The following PUDP variants were observed in gnomAD, a reference collection of about 807,000 sequenced individuals.
The protein encoded by PUDP is pseudouridine 5'-phosphatase.
A neutral mutation model predicts 9.4 loss-of-function variants in PUDP; 8 were observed. That is an observed-to-expected ratio of 0.85 (90% CI 0.50 to 1.53). The LOEUF is 1.53. Ranked by LOEUF, PUDP falls within the 40% of genes most tolerant of loss-of-function variation. PUDP has a pLI of 0.00. For synonymous variants in PUDP, 99 were observed against 80.7 expected, an observed-to-expected ratio of 1.23 and a Z score of -1.22; for missense variants, 188 against 189.7, an observed-to-expected ratio of 0.99 and a Z score of 0.05.
intron 3 of PUDP, among the ~76,000 whole-genome samples, chrX:6,841,346 C>T (rs1926667359): frequency 9.1e-6 from 1 of 109,924 alleles, no homozygotes; most frequent in Non-Finnish European, 1.9e-5. Flanking sequence ...AATCCCAGCA[C>T]TTTGAGAGGG....
At chrX:7,129,320 C>T (rs1478410022) in intron 1 of PUDP, among the ~76,000 whole-genome samples, 1 of 111,976 alleles carries the variant, frequency 8.9e-6, no homozygotes, top group Non-Finnish European at 1.9e-5. Context: ...AATATATTGG[C>T]TCCATCTAGT....
At chrX:6,705,944 G>A (rs1252282389) in intron 2 of PUDP, among the ~76,000 whole-genome samples, 3 of 112,390 alleles carry the variant, frequency 2.7e-5, no homozygotes, top group South Asian at 3.7e-4. Flanking sequence ...AAAATGTGGT[G>A]TATGTACACA....
At chrX:7,039,472 A>C (rs1374806427) in intron 1 of PUDP, among the ~76,000 whole-genome samples, 2 of 111,951 alleles carry the variant, frequency 1.8e-5, no homozygotes, top group African/African-American at 6.5e-5. Flanking sequence ...AATTAAAGTA[A>C]AATGAGGTCA....
At chrX:6,967,289 C>T (rs777068581) in intron 3 of PUDP, among the ~76,000 whole-genome samples, 43 of 111,866 alleles carry the variant, frequency 3.8e-4, no homozygotes, top group African/African-American at 1.3e-3. Context: ...CCTTTCCATC[C>T]TGGCCCTCAC....
intron 3 of PUDP, among the ~76,000 whole-genome samples, chrX:6,849,202 G>T (rs146014064): frequency 0.02 from 2,226 of 111,863 alleles, 59 homozygotes; most frequent in African/African-American, 0.069. Context: ...GAGATGTACC[G>T]AAGACTACAT....
intron 3 of PUDP, among the ~76,000 whole-genome samples, chrX:6,909,465 A>C (rs933989530): frequency 2.7e-5 from 3 of 111,772 alleles, no homozygotes; most frequent in Non-Finnish European, 5.6e-5. Context: ...TTTCTTCATT[A>C]GTCTAAAGCA....
At chrX:7,010,816 C>A (rs1167619201) in intron 1 of PUDP, among the ~76,000 whole-genome samples, 1 of 111,978 alleles carries the variant, frequency 8.9e-6, no homozygotes, top group Admixed American at 9.4e-5. Flanking sequence ...CCAGCCCGGC[C>A]TTCCTGGCAT....
At chrX:6,755,244 C>T (rs1326711310) in intron 3 of PUDP, among the ~76,000 whole-genome samples, 2 of 111,518 alleles carry the variant, frequency 1.8e-5, no homozygotes, top group African/African-American at 6.5e-5. Context: ...AATGTTATAA[C>T]CAGGGGGCTC....
At chrX:6,751,819 G>A (rs910625628) in intron 3 of PUDP, among the ~76,000 whole-genome samples, 14 of 110,954 alleles carry the variant, frequency 1.3e-4, no homozygotes, top group African/African-American at 4.3e-4. Flanking sequence ...GAATTTAGCC[G>A]AGCACTCAAG....
In PUDP at chrX:7,007,671, T is replaced by C. The variant is rs111893565; in HGVS notation, c.205-29328A>G. On this transcript the variant is annotated intron_variant and NMD_transcript_variant, in intron 1 of 3. Coordinates refer to the PUDP transcript ENST00000655425. ...GAGCACTGCAAGTGGGGGCTTAGCT[T>C]AAATCATTCCTCATATTTCCCTTGC... Among the ~76,000 whole-genome samples the C allele has an allele frequency of 1.5e-3, 171 of 112,295 alleles. 1 individual carries two copies. Among genetic ancestry groups the C allele is most frequent in the African/African-American group, 5.2e-3 (161 of 30,859 alleles).
intron 3 of PUDP, among the ~76,000 whole-genome samples, chrX:6,751,090 C>T (rs1271189459): frequency 3.7e-5 from 4 of 107,592 alleles, no homozygotes; most frequent in East Asian, 5.8e-4. Context: ...TGCAGTGAGC[C>T]AAGATTGTGC....
intron 1 of PUDP, among the ~76,000 whole-genome samples, chrX:6,993,531 C>T (rs185470427): frequency 7.0e-4 from 78 of 111,210 alleles, no homozygotes; most frequent in African/African-American, 2.5e-3. Flanking sequence ...GTCCAGAGTC[C>T]TCTCAGACTC....
chrX:7,116,816 T>C, intron 1 of PUDP: 1 of 904,315 alleles, frequency 1.1e-6, no homozygotes, highest in Non-Finnish European at 1.5e-6. Flanking sequence ...TGGGGGCAGA[T>C]CCTTCGCTTG....
At chrX:6,794,110 A>G (rs1925798497) in intron 3 of PUDP, among the ~76,000 whole-genome samples, 1 of 112,330 alleles carries the variant, frequency 8.9e-6, no homozygotes, top group Non-Finnish European at 1.9e-5. Context: ...CTTAAAAAGC[A>G]TATGTATATT....
chrX:6,816,221 T>C (rs1299795623), intron 3 of PUDP, among the ~76,000 whole-genome samples: 1 of 106,235 alleles, frequency 9.4e-6, no homozygotes, highest in Middle Eastern at 7.5e-3. Flanking sequence ...TATACATATA[T>C]ACACTATATG....
chrX:6,985,161 A>T (rs1490904366), intron 1 of PUDP, among the ~76,000 whole-genome samples: 1 of 111,841 alleles, frequency 8.9e-6, no homozygotes. Context: ...TTACAGGGAG[A>T]AGGCCTAGAA....
intron 1 of PUDP, among the ~76,000 whole-genome samples, chrX:7,140,003 G>C (rs1327061788): frequency 6.2e-5 from 7 of 112,278 alleles, no homozygotes; most frequent in Non-Finnish European, 1.3e-4. Flanking sequence ...GGAGGATCAG[G>C]AAAGGTGGTG....
intron 3 of PUDP, among the ~76,000 whole-genome samples, chrX:6,953,481 A>G (rs1229979237): frequency 1.7e-4 from 11 of 64,355 alleles, no homozygotes; most frequent in Admixed American, 1.2e-3. Context: ...ATATTAATAC[A>G]CCACTTTTTT....
rs1231453781 is a variant in PUDP at position 7,034,915 on chromosome X, A to G, written c.204+42305T>C. Among the ~76,000 whole-genome samples, 5 of 112,162 alleles carry G rather than the reference A, an allele frequency of 4.5e-5. No homozygotes were observed. In the Admixed American group the frequency reaches 4.7e-4, roughly 11 times the overall value. ...GGTCTAGTTCTCTATCTTCAAAGAGAGTTATTTTTAATTTTATTAGGGGAT... is the reference window on the plus strand; with the variant it reads ...GGTCTAGTTCTCTATCTTCAAAGAGGGTTATTTTTAATTTTATTAGGGGAT... On this transcript the variant is annotated intron_variant and NMD_transcript_variant, in intron 1 of 3. Transcript: ENST00000655425.
Sources: allele counts gnomAD v4.1 joint callset (sites outside exome capture counted in the v4.1 genomes callset), GRCh38; gene constraint gnomAD v4.1.1; transcripts MANE v1.5; gene names NCBI Gene and HGNC (gene_info 2026-07-23, HGNC 2026-07-21).